The following RBFOX1 variants were observed in gnomAD, a reference collection of about 807,000 sequenced individuals.
RBFOX1 encodes the protein RNA binding fox-1 homolog 1, also known as RNA binding protein fox-1 homolog 1.
A neutral mutation model predicts 57.7 loss-of-function variants in RBFOX1; 8 were observed. The ratio of observed to expected loss-of-function variants is 0.14; its 90% CI spans 0.08 to 0.25. The LOEUF is 0.25. Among genes scored for constraint, RBFOX1 ranks in the 10% least tolerant of loss-of-function variants. The probability of loss-of-function intolerance (pLI) is 1.00; values close to 1 mark genes in which losing one functional copy is unlikely to be tolerated. For missense variants in RBFOX1, 611 were observed against 548.5 expected (o/e 1.11, Z -1.14); for synonymous variants, 326 against 222.4 (o/e 1.47, Z -4.15).
In RBFOX1 at chr16:6,939,899, C is replaced by T. The variant is rs552204049; in HGVS notation, c.-15-112158C>T. 3.9e-5 allele frequency among the ~76,000 whole-genome samples: 6 copies of T among 152,280 alleles called. No individual in the cohort carries two copies. In the South Asian group the frequency reaches 1.2e-3, roughly 32 times the overall value. On this transcript the variant is annotated intron_variant, in intron 3 of 15. Coordinates refer to ENST00000550418, the MANE Select transcript of RBFOX1 (RefSeq NM_018723.4). The stretch of plus-strand genomic sequence containing the variant: ...ATTTACTGCATATTATTCAATTTCA[C>T]TCCATAAATGCATAATTTAATCACA...
At chr16:6,504,044 G>T (rs1009096614) in intron 2 of RBFOX1, among the ~76,000 whole-genome samples, 5 of 152,056 alleles carry the variant, frequency 3.3e-5, no homozygotes, top group South Asian at 2.1e-4. Flanking sequence ...ATCTTTTATT[G>T]TTTCAGCACC....
At chr16:7,045,686 G>T (rs969361788) in intron 3 of RBFOX1, among the ~76,000 whole-genome samples, 1 of 151,536 alleles carries the variant, frequency 6.6e-6, no homozygotes, top group African/African-American at 2.4e-5. Context: ...ACATTGTCTC[G>T]CTTTGTTGCC....
chr16:6,434,383 T>C (rs1597197142), intron 2 of RBFOX1, among the ~76,000 whole-genome samples: 1 of 152,056 alleles, frequency 6.6e-6, no homozygotes, highest in East Asian at 1.9e-4. Context: ...AGCTTCCTCT[T>C]CTCGATGGCC....
chr16:7,101,586 G>A (rs1032587070), intron 4 of RBFOX1, among the ~76,000 whole-genome samples: 1 of 152,132 alleles, frequency 6.6e-6, no homozygotes. Flanking sequence ...TTTTGGAAAA[G>A]ATCATATGAC....
intron 3 of RBFOX1, among the ~76,000 whole-genome samples, chr16:5,672,945 G>T (rs4786747): frequency 0.72 from 109,156 of 151,500 alleles, 39,679 homozygotes; most frequent in Middle Eastern, 0.78. Context: ...CTGAACTTTT[G>T]CAGAAATAAT....
At chr16:6,864,066 A>T (rs1391700453) in intron 3 of RBFOX1, among the ~76,000 whole-genome samples, 1 of 150,578 alleles carries the variant, frequency 6.6e-6, no homozygotes, top group Non-Finnish European at 1.5e-5. Flanking sequence ...AACCTTCTTC[A>T]GACTACAGGG....
chr16:5,904,554 C>T (rs12445344), intron 4 of RBFOX1, among the ~76,000 whole-genome samples: 45,123 of 151,432 alleles, frequency 0.3, 6,816 homozygotes, highest in South Asian at 0.46. Context: ...TGCATTCAGA[C>T]CATGGTGTGG....
At chr16:7,244,614 C>T (rs2094213800) in intron 4 of RBFOX1, among the ~76,000 whole-genome samples, 2 of 152,148 alleles carry the variant, frequency 1.3e-5, no homozygotes, top group African/African-American at 2.4e-5. Flanking sequence ...GCCTAGGGCT[C>T]GAGTTAGATT....
chr16:7,433,638 G>A (rs887209282), intron 4 of RBFOX1, among the ~76,000 whole-genome samples: 1 of 152,176 alleles, frequency 6.6e-6, no homozygotes, highest in Non-Finnish European at 1.5e-5. Flanking sequence ...TGGGAGATAG[G>A]TTACCAATTT....
chr16:7,348,861 G>A (rs1257214544), intron 4 of RBFOX1, among the ~76,000 whole-genome samples: 1 of 152,114 alleles, frequency 6.6e-6, no homozygotes, highest in Non-Finnish European at 1.5e-5. Context: ...AGAATCCCTT[G>A]AACCCAGGAG....
chr16:5,541,701 G>T (rs937932086), intron 2 of RBFOX1, among the ~76,000 whole-genome samples: 2 of 152,116 alleles, frequency 1.3e-5, no homozygotes, highest in African/African-American at 4.8e-5. Flanking sequence ...GGGGCCCTAA[G>T]ATTTATTTTC....
chr16:6,034,342 A>G (rs2095333624), intron 1 of RBFOX1, among the ~76,000 whole-genome samples: 1 of 149,338 alleles, frequency 6.7e-6, no homozygotes, highest in Non-Finnish European at 1.5e-5. Context: ...AAAAAAAAAA[A>G]AAAAAAAAAA....
intron 1 of RBFOX1, among the ~76,000 whole-genome samples, chr16:6,255,652 G>C (rs1209408065): frequency 1.3e-5 from 2 of 152,004 alleles, no homozygotes; most frequent in Non-Finnish European, 2.9e-5. Context: ...CAACCTGGAA[G>C]TATGACGGAT....
At chr16:6,288,693 C>T (rs17220612) in intron 1 of RBFOX1, among the ~76,000 whole-genome samples, 24,135 of 152,072 alleles carry the variant, frequency 0.16, 2,290 homozygotes, top group Non-Finnish European at 0.2. Flanking sequence ...GTTAATGTCC[C>T]TGTATGTTGC....
At chr16:7,551,450 C>T (rs1374332525) in intron 5 of RBFOX1, among the ~76,000 whole-genome samples, 1 of 152,060 alleles carries the variant, frequency 6.6e-6, no homozygotes, top group Non-Finnish European at 1.5e-5. Flanking sequence ...ATTTGGGGCG[C>T]ACTTGCTGGG....
At chr16:6,637,635 C>G (rs192587953) in intron 2 of RBFOX1, among the ~76,000 whole-genome samples, 107 of 139,430 alleles carry the variant, frequency 7.7e-4, no homozygotes, top group Middle Eastern at 3.9e-3. Context: ...GGTTGAAACT[C>G]TAAAGTACTC....
intron 2 of RBFOX1, among the ~76,000 whole-genome samples, chr16:6,428,769 C>A (rs2093998608): frequency 6.6e-6 from 1 of 152,188 alleles, no homozygotes; most frequent in Admixed American, 6.5e-5. Flanking sequence ...TTGATATAAT[C>A]ATTTTTATTC....
chr16:6,670,994 C>T (rs1694221351), intron 3 of RBFOX1, among the ~76,000 whole-genome samples: 1 of 152,042 alleles, frequency 6.6e-6, no homozygotes, highest in South Asian at 2.1e-4. Flanking sequence ...AGCGAGACTC[C>T]ATCTCAAAAA....
At position 6,636,860 on chromosome 16, in the gene RBFOX1, A is replaced by T. The variant is rs542598364; in HGVS notation, c.-63-17743A>T. 4.3e-3 allele frequency among the ~76,000 whole-genome samples: 494 copies of T among 115,048 alleles called. 4 individuals carry two copies. The highest frequency in any genetic ancestry group is 0.016 in the African/African-American group (446 of 28,498). 75.5% of individuals were successfully genotyped at this position (115,048 alleles called of 152,430 possible). ...TAATATATAATATATATAATATATAATATATATTATATGTTTAATATATTT... is the reference window on the plus strand; with the variant it reads ...TAATATATAATATATATAATATATATTATATATTATATGTTTAATATATTT... On this transcript the variant is annotated intron_variant, in intron 2 of 15. Transcript: ENST00000550418.
Sources: gnomAD v4.1 joint callset for allele counts (sites outside exome capture counted in the v4.1 genomes callset) on GRCh38, gnomAD v4.1.1 for gene constraint, MANE v1.5 for transcripts, NCBI Gene and HGNC (gene_info 2026-07-23, HGNC 2026-07-21) for gene names.